The following PCNX1 variants were observed in gnomAD, a reference collection of about 807,000 sequenced individuals.
PCNX1 encodes pecanex 1.
Under a neutral mutation model 242.2 loss-of-function variants are expected in PCNX1, and 78 were observed. The observed-to-expected ratio is 0.32, with a 90% CI of 0.27 to 0.39. The LOEUF (loss-of-function observed/expected upper bound fraction) is 0.39. Among genes scored for constraint, PCNX1 ranks in the 10% least tolerant of loss-of-function variants. The probability of loss-of-function intolerance (pLI) is 1.00; values close to 1 mark genes in which losing one functional copy is unlikely to be tolerated. For synonymous variants in PCNX1, 1,024 were observed against 1,032.9 expected, an observed-to-expected ratio of 0.99 and a Z score of 0.17; for missense variants, 2,581 against 2,856.5, an observed-to-expected ratio of 0.90 and a Z score of 2.20.
intron 10 of PCNX1, chr14:71,012,286 A>G (rs2059841202): frequency 6.5e-6 from 1 of 153,496 alleles, no homozygotes; most frequent in Non-Finnish European, 1.4e-5. Flanking sequence ...ATGAGGTTCA[A>G]AGCTTAAGGA....
chr14:71,047,897 T>G lies in PCNX1; in HGVS notation c.4251T>G (p.Phe1417Leu), dbSNP rs373703354. Residue 1417 changes from phenylalanine to leucine, a missense_variant, in exon 22 of 36, where the codon TTT (phenylalanine) becomes TTG (leucine). This residue lies in a region of PCNX1 where 432 missense variants were observed against 443.1 expected (regional missense o/e 0.97). Transcript: ENST00000304743. ...SPTYQYVTVIFTVLFFKFDYE... is the reference protein window; with the variant it reads ...SPTYQYVTVILTVLFFKFDYE... ...CATATCAGTATGTTACAGTCATCTTTACTGTGCTGTTTTTCAAATTTGACT... is the reference window on the plus strand; with the variant it reads ...CATATCAGTATGTTACAGTCATCTTGACTGTGCTGTTTTTCAAATTTGACT... 13 of 1,612,678 alleles carry G rather than the reference T, an allele frequency of 8.1e-6. No homozygotes were observed. The highest frequency in any genetic ancestry group is 1.1e-5 in the Non-Finnish European group (13 of 1,178,776).
chr14:71,072,704 T>C (rs2061615127), intron 26 of PCNX1, among the ~76,000 whole-genome samples: 1 of 152,220 alleles, frequency 6.6e-6, no homozygotes, highest in Non-Finnish European at 1.5e-5. Context: ...AGTCTTTACA[T>C]AATATAAGGA....
At chr14:70,968,309 ACAGTACTGTACATTC>A (rs2058441715) in intron 4 of PCNX1, 66 bp downstream of exon 4, 29 of 880,418 alleles carry the variant, frequency 3.3e-5, no homozygotes, top group Non-Finnish European at 5.3e-5. Context: ...AATGAAGATA[ACAGTACTGTACATTC>A]AAATGTAATG....
At chr14:70,982,728 A>G (rs890942057) in intron 6 of PCNX1, among the ~76,000 whole-genome samples, 1 of 152,224 alleles carries the variant, frequency 6.6e-6, no homozygotes, top group African/African-American at 2.4e-5. Context: ...AATTCCCAAA[A>G]CCAGCCCATG....
chr14:70,911,973 C>T (rs536466596), intron 1 of PCNX1, among the ~76,000 whole-genome samples: 11 of 152,230 alleles, frequency 7.2e-5, no homozygotes, highest in East Asian at 5.8e-4. Context: ...TGGCTGGGCG[C>T]GGTGGCTCAC....
chr14:71,001,811 A>G (rs1566682660), intron 8 of PCNX1, among the ~76,000 whole-genome samples: 2 of 152,228 alleles, frequency 1.3e-5, no homozygotes, highest in Non-Finnish European at 2.9e-5. Context: ...TTGGGAGTCT[A>G]ATGGGATCTA....
chr14:71,050,792 G>A lies in PCNX1; in HGVS notation c.4447+32G>A, dbSNP rs1429418306. 4 of 1,591,932 alleles carry A rather than the reference G, an allele frequency of 2.5e-6. No homozygotes were observed. The Admixed American group carries it at 6.8e-5, about 27-fold the overall frequency. The stretch of plus-strand genomic sequence containing the variant: ...TTCTAATTAAAGTTTTATAAGAATG[G>A]ACAGTCATATCCTAGATAAGAATGT... On this transcript the variant is annotated intron_variant, in intron 23 of 35. Transcript: ENST00000304743.
At chr14:70,989,702 A>G (rs1189649052) in intron 7 of PCNX1, among the ~76,000 whole-genome samples, 1 of 151,702 alleles carries the variant, frequency 6.6e-6, no homozygotes, top group Non-Finnish European at 1.5e-5. Flanking sequence ...GCTAATTTTT[A>G]TATTATTGTA....
At chr14:71,053,404 G>T in intron 24 of PCNX1, 1 of 396,792 alleles carries the variant, frequency 2.5e-6, no homozygotes, top group Non-Finnish European at 4.9e-6. Context: ...TGCAACCTCC[G>T]CCTCCCAGGT....
At chr14:71,031,915 A>C in intron 16 of PCNX1, 1 of 1,438,704 alleles carries the variant, frequency 7.0e-7, no homozygotes, top group South Asian at 1.1e-5. Flanking sequence ...GGACAGAGCA[A>C]ACTGGTACCA....
At chr14:71,008,215 T>C (rs2059719709) in intron 8 of PCNX1, among the ~76,000 whole-genome samples, 2 of 152,196 alleles carry the variant, frequency 1.3e-5, no homozygotes, top group South Asian at 4.1e-4. Context: ...CTGTAAACTC[T>C]TAGTCATATT....
At chr14:71,063,217 G>C (rs1364102642) in intron 26 of PCNX1, among the ~76,000 whole-genome samples, 2 of 152,186 alleles carry the variant, frequency 1.3e-5, no homozygotes, top group East Asian at 3.9e-4. Flanking sequence ...AATATTTTAG[G>C]GTTTGAGAGC....
chr14:71,022,431 A>G (rs2060129157), intron 12 of PCNX1, among the ~76,000 whole-genome samples: 1 of 152,188 alleles, frequency 6.6e-6, no homozygotes, highest in Non-Finnish European at 1.5e-5. Flanking sequence ...CATTTAGAAG[A>G]TAGGCGCTGT....
intron 30 of PCNX1, among the ~76,000 whole-genome samples, chr14:71,099,386 C>T (rs2062400748): frequency 6.6e-6 from 1 of 152,170 alleles, no homozygotes; most frequent in Admixed American, 6.5e-5. Flanking sequence ...TCTCGATCTC[C>T]TGACCTCGTG....
At chr14:71,046,266 CACAT>C (rs2141112322) in intron 20 of PCNX1, among the ~76,000 whole-genome samples, 1 of 152,098 alleles carries the variant, frequency 6.6e-6, no homozygotes, top group African/African-American at 2.4e-5. Flanking sequence ...TAAATGATGA[CACAT>C]ACCTAGTTTG....
intron 26 of PCNX1, among the ~76,000 whole-genome samples, chr14:71,065,983 T>TG (rs150492079): frequency 1 from 152,267 of 152,296 alleles, 76,119 homozygotes; most frequent in Middle Eastern, 1. Flanking sequence ...ATATCTGTTT[T>TG]GTACAAGTAC....
In PCNX1 at chr14:71,054,054, G is replaced by A. The variant is rs1374064708; in HGVS notation, c.4578-1450G>A. Among the ~76,000 whole-genome samples the A allele has an allele frequency of 7.9e-5, 12 of 152,334 alleles. No individual in the cohort carries two copies. The East Asian group carries it at 2.3e-3, about 29-fold the overall frequency. ...CTGCCTTGGCCTCTCAAAGTGCTGG[G>A]ATTACAGGCATGAGCCACCTTGCCC... On this transcript the variant is annotated intron_variant, in intron 24 of 35. Transcript: ENST00000304743.
chr14:70,993,703 GA>G, intron 7 of PCNX1, among the ~76,000 whole-genome samples: 1 of 152,110 alleles, frequency 6.6e-6, no homozygotes, highest in African/African-American at 2.4e-5. Context: ...AAAATCGATA[GA>G]AAAATTTGTT....
intron 8 of PCNX1, among the ~76,000 whole-genome samples, chr14:71,005,379 G>T (rs929186096): frequency 5.3e-5 from 8 of 152,050 alleles, no homozygotes; most frequent in African/African-American, 2.4e-5. Flanking sequence ...ACTGTGGCGT[G>T]TGCCTGCAGC....
Sources: gnomAD v4.1 joint callset for allele counts (sites outside exome capture counted in the v4.1 genomes callset) on GRCh38, gnomAD v4.1.1 for gene constraint, gnomAD v4.1.1 regional missense constraint, MANE v1.5 for transcripts, NCBI Gene and HGNC (gene_info 2026-07-23, HGNC 2026-07-21) for gene names.